The following TEC variants were observed in gnomAD, a reference collection of about 807,000 sequenced individuals.
TEC encodes tec protein tyrosine kinase, also known as tyrosine-protein kinase Tec.
Under a neutral mutation model 93.0 loss-of-function variants are expected in TEC, and 72 were observed. That is an observed-to-expected ratio of 0.77 (90% CI 0.64 to 0.94). The LOEUF (loss-of-function observed/expected upper bound fraction) is 0.94, where lower values mean the gene tolerates loss of function less well. Ranked by LOEUF, TEC falls within the 40% of genes least tolerant of loss-of-function variation. The probability of loss-of-function intolerance (pLI) is 0.00; values close to 1 mark genes in which losing one functional copy is unlikely to be tolerated. For missense variants in TEC, 630 were observed against 757.9 expected, an observed-to-expected ratio of 0.83 and a Z score of 1.98; for synonymous variants, 249 against 247.7, an observed-to-expected ratio of 1.01 and a Z score of -0.05.
In TEC at chr4:48,167,960, A is replaced by C; in HGVS notation, c.496-7T>G. On this transcript the variant is annotated splice_polypyrimidine_tract_variant and splice_region_variant and intron_variant, in intron 6 of 17. Coordinates refer to ENST00000381501, the MANE Select transcript of TEC (RefSeq NM_003215.3). ...TTGGTGGGGGAGGCCTTCGCTAGAC[A>C]AGGAAGATAACATTTGAAAGTTTAG... The C allele has an allele frequency of 1.9e-6, 3 of 1,613,298 alleles. No individual in the cohort carries two copies. The highest frequency in any genetic ancestry group is 2.5e-6 in the Non-Finnish European group (3 of 1,179,576).
chr4:48,238,908 C>G (rs1560421817), intron 1 of TEC, among the ~76,000 whole-genome samples: 2 of 151,970 alleles, frequency 1.3e-5, no homozygotes, highest in Admixed American at 6.6e-5. Flanking sequence ...CCTTATGCAT[C>G]CCAGCATTAC....
chr4:48,247,441 C>T (rs1288970669), intron 1 of TEC, among the ~76,000 whole-genome samples: 1 of 152,186 alleles, frequency 6.6e-6, no homozygotes, highest in Non-Finnish European at 1.5e-5. Flanking sequence ...TATGTGAATG[C>T]TCATGGCAGT....
At chr4:48,181,564 C>G (rs147180903) in intron 2 of TEC, among the ~76,000 whole-genome samples, 11,451 of 126,464 alleles carry the variant, frequency 0.091, 527 homozygotes, top group South Asian at 0.16. Context: ...TCCCAGCTAC[C>G]TGGGAGGCTG....
At chr4:48,173,879 C>A (rs2109552315) in intron 3 of TEC, among the ~76,000 whole-genome samples, 1 of 152,280 alleles carries the variant, frequency 6.6e-6, no homozygotes, top group East Asian at 1.9e-4. Context: ...ATCTAGGCAG[C>A]TGGTGTGGAT....
chr4:48,230,150 A>G (rs977180490), intron 1 of TEC, among the ~76,000 whole-genome samples: 7 of 152,172 alleles, frequency 4.6e-5, no homozygotes, highest in Non-Finnish European at 8.8e-5. Context: ...GAGTCACATG[A>G]ACAGCATGAA....
At chr4:48,247,756 G>A (rs1442019713) in intron 1 of TEC, among the ~76,000 whole-genome samples, 1 of 152,126 alleles carries the variant, frequency 6.6e-6, no homozygotes, top group African/African-American at 2.4e-5. Flanking sequence ...TGAGATAATG[G>A]TAATCTTCTG....
intron 2 of TEC, among the ~76,000 whole-genome samples, chr4:48,194,745 A>T (rs1722233315): frequency 6.6e-6 from 1 of 152,196 alleles, no homozygotes; most frequent in Non-Finnish European, 1.5e-5. Flanking sequence ...CTAGTAGCAG[A>T]CGGTGAATTG....
chr4:48,174,119 C>A (rs1310906653), intron 3 of TEC, among the ~76,000 whole-genome samples: 1 of 152,098 alleles, frequency 6.6e-6, no homozygotes, highest in Non-Finnish European at 1.5e-5. Flanking sequence ...TCAAGCTTAT[C>A]CCTTCTTGAT....
At chr4:48,173,762 T>G (rs1721209915) in intron 3 of TEC, among the ~76,000 whole-genome samples, 1 of 152,128 alleles carries the variant, frequency 6.6e-6, no homozygotes, top group African/African-American at 2.4e-5. Flanking sequence ...AGACAAAAGG[T>G]AGACAGATCT....
chr4:48,222,334 T>C (rs1313578695), intron 2 of TEC, among the ~76,000 whole-genome samples: 1 of 152,166 alleles, frequency 6.6e-6, no homozygotes, highest in East Asian at 1.9e-4. Flanking sequence ...GAATTTTAAC[T>C]TGATCCTAGA....
At chr4:48,173,446 A>T (rs1721197297) in intron 3 of TEC, among the ~76,000 whole-genome samples, 1 of 121,492 alleles carries the variant, frequency 8.2e-6, no homozygotes, top group Non-Finnish European at 1.8e-5. Context: ...CTGAAGAGGT[A>T]TTTGTGGGCC....
intron 1 of TEC, among the ~76,000 whole-genome samples, chr4:48,239,235 G>C (rs1424918191): frequency 6.6e-6 from 1 of 151,918 alleles, no homozygotes; most frequent in Non-Finnish European, 1.5e-5. Context: ...GAAAATACTA[G>C]ATTCACTCTT....
chr4:48,205,674 A>G (rs185215763), intron 2 of TEC, among the ~76,000 whole-genome samples: 187 of 152,326 alleles, frequency 1.2e-3, no homozygotes, highest in African/African-American at 4.3e-3. Flanking sequence ...TAGGACAGCT[A>G]CAATCAACAA....
intron 2 of TEC, among the ~76,000 whole-genome samples, chr4:48,225,515 G>A (rs16861139): frequency 0.014 from 2,200 of 152,184 alleles, 58 homozygotes; most frequent in African/African-American, 0.05. Flanking sequence ...CAGGGATAGG[G>A]AGATGGAAAT....
chr4:48,149,763 A>C, intron 10 of TEC, 73 bp from the exon 11 acceptor site: 5 of 1,473,168 alleles, frequency 3.4e-6, no homozygotes, highest in Non-Finnish European at 3.6e-6. Flanking sequence ...GTTTTCTACA[A>C]GGGCAACCAC....
intron 2 of TEC, among the ~76,000 whole-genome samples, chr4:48,228,126 T>C (rs1326941156): frequency 6.6e-6 from 1 of 152,198 alleles, no homozygotes; most frequent in Non-Finnish European, 1.5e-5. Flanking sequence ...GAAGAAATAT[T>C]CATATAAAGT....
intron 17 of TEC, among the ~76,000 whole-genome samples, 197 bp downstream of exon 17, chr4:48,138,468 G>A (rs1224999047): frequency 6.6e-6 from 1 of 152,222 alleles, no homozygotes; most frequent in Non-Finnish European, 1.5e-5. Flanking sequence ...TATCGAGGTA[G>A]TTATTAGCAT....
intron 2 of TEC, among the ~76,000 whole-genome samples, chr4:48,200,945 A>T (rs531374382): frequency 6.6e-6 from 1 of 152,322 alleles, no homozygotes; most frequent in African/African-American, 2.4e-5. Context: ...TTCCACACTG[A>T]GAAAAAGAAG....
chr4:48,266,365 A>G (rs937262439), intron 1 of TEC, among the ~76,000 whole-genome samples: 13 of 152,188 alleles, frequency 8.5e-5, no homozygotes, highest in African/African-American at 2.9e-4. Flanking sequence ...CAATGTACCA[A>G]AGGCACCCAG....
Sources: allele counts gnomAD v4.1 joint callset (sites outside exome capture counted in the v4.1 genomes callset), GRCh38; gene constraint gnomAD v4.1.1; transcripts MANE v1.5; gene names NCBI Gene and HGNC (gene_info 2026-07-23, HGNC 2026-07-21).